Variants in CDC42BPB observed in about 807,000 individuals in gnomAD.
The protein encoded by CDC42BPB is CDC42 binding protein kinase beta, also known as serine/threonine-protein kinase MRCK beta.
A neutral mutation model predicts 214.9 loss-of-function variants in CDC42BPB; 37 were observed. The observed-to-expected ratio is 0.17, with a 90% CI of 0.13 to 0.23. The LOEUF (loss-of-function observed/expected upper bound fraction) is 0.23, where lower values mean the gene tolerates loss of function less well. CDC42BPB is among the 10% of genes least tolerant of loss of function. CDC42BPB has a pLI of 1.00. For missense variants in CDC42BPB, 1,694 were observed against 2,227.0 expected (o/e 0.76, Z 4.82); for synonymous variants, 931 against 884.0 (o/e 1.05, Z -0.94).
intron 1 of CDC42BPB, among the ~76,000 whole-genome samples, chr14:103,052,448 TTATTA>T (rs1229463206): frequency 6.6e-6 from 1 of 151,816 alleles, no homozygotes; most frequent in Non-Finnish European, 1.5e-5. Flanking sequence ...CCAGCACTTT[TTATTA>T]TGAGATGTTT....
At chr14:102,987,518 G>A (rs1382958349) in intron 5 of CDC42BPB, among the ~76,000 whole-genome samples, 2 of 152,150 alleles carry the variant, frequency 1.3e-5, no homozygotes, top group Admixed American at 6.5e-5. Flanking sequence ...GAGAATGGGT[G>A]AGTAAGCTGG....
intron 1 of CDC42BPB, among the ~76,000 whole-genome samples, chr14:103,022,653 C>G (rs1886834148): frequency 6.6e-6 from 1 of 152,222 alleles, no homozygotes; most frequent in Admixed American, 6.5e-5. Context: ...TCAACTGATC[C>G]AGCTGTTAGG....
chr14:102,955,885 A>G (rs185864331), intron 21 of CDC42BPB, among the ~76,000 whole-genome samples: 99 of 152,336 alleles, frequency 6.5e-4, no homozygotes, highest in Non-Finnish European at 1.3e-3. Context: ...AGTTGCAATT[A>G]ATTAGGCCAC....
chr14:103,039,098 A>G (rs1275327439), intron 1 of CDC42BPB, among the ~76,000 whole-genome samples: 8 of 151,828 alleles, frequency 5.3e-5, no homozygotes, highest in Non-Finnish European at 1.2e-4. Context: ...AAATGTTAAT[A>G]GATCTACAAC....
chr14:103,051,154 C>CGGGGGGGGGGGGGGGGGGG (rs1179516926), intron 1 of CDC42BPB, among the ~76,000 whole-genome samples: 12 of 6,826 alleles, frequency 1.8e-3, no homozygotes, highest in African/African-American at 5.1e-3. Flanking sequence ...GTATTTGGGG[C>CGGGGGGGGGGGGGGGGGGG]GGGGGGGCGG....
chr14:103,039,782 A>C (rs910425295), intron 1 of CDC42BPB, among the ~76,000 whole-genome samples: 2 of 152,186 alleles, frequency 1.3e-5, no homozygotes, highest in African/African-American at 4.8e-5. Context: ...GTAGACAACA[A>C]AAAGAAATTA....
intron 26 of CDC42BPB, 38 bp downstream of exon 26, chr14:102,949,727 G>A: frequency 6.2e-7 from 1 of 1,610,930 alleles, no homozygotes; most frequent in Non-Finnish European, 8.5e-7. Flanking sequence ...AGCTGAGGAA[G>A]ATTCACAGAG....
chr14:102,949,159 T>G (rs2139386804), intron 26 of CDC42BPB, among the ~76,000 whole-genome samples: 1 of 152,308 alleles, frequency 6.6e-6, no homozygotes, highest in Middle Eastern at 3.4e-3. Flanking sequence ...CTCTTAGTGA[T>G]GCGTTTACCT....
intron 1 of CDC42BPB, among the ~76,000 whole-genome samples, chr14:103,055,857 A>C (rs1387873544): frequency 1.3e-5 from 2 of 152,246 alleles, no homozygotes; most frequent in African/African-American, 4.8e-5. Flanking sequence ...CAGCTTTATC[A>C]GCCCCAAAGA....
Position 103,057,126 on chromosome 14 carries a change from G to T in CDC42BPB, c.48C>A (p.Asp16Glu), listed in dbSNP as rs757691424. ...RLKKLEQLLL[D>E]GPWRNESALS... ...GGGCGCTCTCGTTGCGCCAGGGCCC[G>T]TCCAGGAGCAGCTGCTCCAGCTTCT... The change falls in exon 1 of 37, where the codon GAC becomes GAA. Residue 16 changes from aspartate to glutamate, a missense_variant. Coordinates refer to ENST00000361246, the MANE Select transcript of CDC42BPB (RefSeq NM_006035.4). 4 of 1,513,106 alleles carry T rather than the reference G, an allele frequency of 2.6e-6. No homozygotes were observed. Among genetic ancestry groups the T allele is most frequent in the Non-Finnish European group, 3.5e-6 (4 of 1,136,526 alleles). 93.7% of individuals were successfully genotyped at this position (1,513,106 alleles called of 1,614,324 possible). A position where few individuals can be genotyped will look rare whatever the true frequency, so the allele number is the denominator to read the frequency against.
intron 26 of CDC42BPB, 65 bp downstream of exon 26, chr14:102,949,700 T>C (rs776223395): frequency 2.5e-6 from 4 of 1,600,066 alleles, no homozygotes; most frequent in East Asian, 2.2e-5. Flanking sequence ...GAACACACCG[T>C]CCTTTTGGCT....
At chr14:103,034,244 G>A (rs529785457) in intron 1 of CDC42BPB, among the ~76,000 whole-genome samples, 59 of 152,320 alleles carry the variant, frequency 3.9e-4, no homozygotes, top group African/African-American at 1.4e-3. Context: ...AAGGCCAGGC[G>A]TGATGGCTCA....
intron 1 of CDC42BPB, among the ~76,000 whole-genome samples, chr14:103,050,861 T>C (rs1322603779): frequency 6.6e-6 from 1 of 152,082 alleles, no homozygotes; most frequent in African/African-American, 2.4e-5. Flanking sequence ...CACCTTACAA[T>C]AGGTCCCAAA....
intron 1 of CDC42BPB, among the ~76,000 whole-genome samples, chr14:103,055,230 C>T (rs1173619944): frequency 6.6e-6 from 1 of 152,218 alleles, no homozygotes; most frequent in African/African-American, 2.4e-5. Context: ...CAAGACCAGC[C>T]TGGCCAACAC....
At position 103,018,687 on chromosome 14, in the gene CDC42BPB, A is replaced by G. The variant is rs558940017; in HGVS notation, c.176-6499T>C. Among the ~76,000 whole-genome samples the G allele has an allele frequency of 2.6e-5, 4 of 152,316 alleles. No homozygotes were observed. The South Asian group carries it at 8.3e-4, about 32-fold the overall frequency. On this transcript the variant is annotated intron_variant, in intron 1 of 36. Transcript: ENST00000361246. Reference sequence around the variant, plus strand: ...AGCAGGTTGGGGTGAGGAGGGGAGTAGGGCCTGGGGCAACGGAATCCAATT... The same window carrying G: ...AGCAGGTTGGGGTGAGGAGGGGAGTGGGGCCTGGGGCAACGGAATCCAATT...
At chr14:103,035,060 CTT>C (rs112137178) in intron 1 of CDC42BPB, among the ~76,000 whole-genome samples, 2 of 146,058 alleles carry the variant, frequency 1.4e-5, no homozygotes, top group African/African-American at 2.5e-5. Flanking sequence ...TAATTCTATA[CTT>C]TTTTTTTTTT....
intron 16 of CDC42BPB, 56 bp downstream of exon 16, chr14:102,968,197 T>A: frequency 7.6e-7 from 1 of 1,318,848 alleles, no homozygotes; most frequent in Middle Eastern, 1.8e-4. Flanking sequence ...AAATAATTTT[T>A]TTTTAAATTA....
chr14:103,006,511 C>T (rs1341894100), intron 3 of CDC42BPB, among the ~76,000 whole-genome samples: 1 of 152,178 alleles, frequency 6.6e-6, no homozygotes, highest in East Asian at 1.9e-4. Context: ...GAGAGAGAAA[C>T]TTTTAGTATT....
chr14:103,049,554 C>G (rs897360972), intron 1 of CDC42BPB, among the ~76,000 whole-genome samples: 1 of 152,228 alleles, frequency 6.6e-6, no homozygotes, highest in Non-Finnish European at 1.5e-5. Flanking sequence ...GAAGTTGGAG[C>G]GCGGAGCAAG....
Sources: gnomAD v4.1 joint callset for allele counts (sites outside exome capture counted in the v4.1 genomes callset) on GRCh38, gnomAD v4.1.1 for gene constraint, MANE v1.5 for transcripts, NCBI Gene and HGNC (gene_info 2026-07-23, HGNC 2026-07-21) for gene names.